Variants in ABCA6 observed in about 807,000 individuals in gnomAD.
ABCA6 encodes ATP binding cassette subfamily A member 6.
Under a neutral mutation model 191.2 loss-of-function variants are expected in ABCA6, and 164 were observed. The observed-to-expected ratio is 0.86, with a 90% CI of 0.76 to 0.98. The LOEUF (loss-of-function observed/expected upper bound fraction) is 0.98, where lower values mean the gene tolerates loss of function less well. Ranked by LOEUF, ABCA6 falls within the 50% of genes least tolerant of loss-of-function variation. The pLI is 0.00. For synonymous variants in ABCA6, 636 were observed against 647.7 expected (o/e 0.98, Z 0.27); for missense variants, 1,958 against 1,894.1 (o/e 1.03, Z -0.63).
chr17:69,108,039 CT>C (rs1174625669), intron 17 of ABCA6: 1 of 450,496 alleles, frequency 2.2e-6, no homozygotes, highest in Non-Finnish European at 3.9e-6. Flanking sequence ...ATCTTCCATT[CT>C]CAGTTTATGA....
At chr17:69,119,193 G>A (rs937934470) in intron 10 of ABCA6, among the ~76,000 whole-genome samples, 13 of 152,040 alleles carry the variant, frequency 8.6e-5, no homozygotes, top group Non-Finnish European at 1.9e-4. Flanking sequence ...GTGAAGCCAG[G>A]TTTGAGAATT....
At chr17:69,121,633 G>T (rs564974806) in intron 10 of ABCA6, among the ~76,000 whole-genome samples, 1 of 152,070 alleles carries the variant, frequency 6.6e-6, no homozygotes, top group African/African-American at 2.4e-5. Flanking sequence ...GAAGGTGGGG[G>T]TGGAGCACAT....
At chr17:69,082,217 T>C (rs1431020979) in intron 36 of ABCA6, among the ~76,000 whole-genome samples, 1 of 152,108 alleles carries the variant, frequency 6.6e-6, no homozygotes, top group Non-Finnish European at 1.5e-5. Flanking sequence ...TAAAATAAAA[T>C]AGTAGCTTTT....
chr17:69,086,686 T>C lies in ABCA6; in HGVS notation c.3869A>G (p.Lys1290Arg), dbSNP rs2072801223. Residue 1290 changes from lysine (K) to arginine (R), a missense_variant, in exon 30 of 39, where the codon AAG becomes AGG. Lys to Arg is a conservative substitution (Grantham distance 26, BLOSUM62 2). Coordinates refer to ENST00000284425, the MANE Select transcript of ABCA6 (RefSeq NM_080284.3). ...SCLHKEYAGQ[K>R]KSCFSKRKKK... is the part of the protein sequence containing the mutation. ...CTTCCTCTTTGAAAAGCAACTTTTC[T>C]TCTGGCCTGCATATTCTTTGTGTAG... 3.7e-6 allele frequency: 6 copies of C among 1,613,080 alleles called. No individual in the cohort carries two copies. Among genetic ancestry groups the C allele is most frequent in the Non-Finnish European group, 5.1e-6 (6 of 1,179,536 alleles).
chr17:69,089,628 TTGAA>T, intron 26 of ABCA6, 86 bp from the exon 27 acceptor site: 1 of 1,145,694 alleles, frequency 8.7e-7, no homozygotes, highest in South Asian at 1.5e-5. Context: ...AATTCACATA[TTGAA>T]TATTTTCCTC....
chr17:69,114,999 C>A, intron 12 of ABCA6, 62 bp from the exon 13 acceptor site: 1 of 1,261,026 alleles, frequency 7.9e-7, no homozygotes, highest in Non-Finnish European at 1.1e-6. Flanking sequence ...ATTCATAGAT[C>A]TCATTTAAGA....
chr17:69,080,017 G>T (rs561168488), intron 37 of ABCA6, among the ~76,000 whole-genome samples: 2 of 152,272 alleles, frequency 1.3e-5, no homozygotes, highest in Admixed American at 1.3e-4. Context: ...CTGAAAATGG[G>T]AGGAAGAAGC....
intron 14 of ABCA6, 59 bp from the exon 15 acceptor site, chr17:69,113,419 G>A: frequency 6.5e-7 from 1 of 1,545,704 alleles, no homozygotes; most frequent in African/African-American, 1.4e-5. Flanking sequence ...GTATCCAGAA[G>A]ATAGCATGAA....
intron 26 of ABCA6, 40 bp downstream of exon 26, chr17:69,091,103 C>T: frequency 6.3e-6 from 10 of 1,587,364 alleles, no homozygotes; most frequent in Non-Finnish European, 8.6e-6. Context: ...TAATAAGCTA[C>T]ATATTCAAAA....
chr17:69,096,397 T>A, intron 24 of ABCA6, 44 bp from the exon 25 acceptor site: 1 of 1,119,018 alleles, frequency 8.9e-7, no homozygotes, highest in Non-Finnish European at 1.2e-6. Flanking sequence ...AATCAAATAT[T>A]ACTGAGGGAA....
intron 8 of ABCA6, among the ~76,000 whole-genome samples, chr17:69,126,221 A>T (rs1243746477): frequency 6.6e-6 from 1 of 152,202 alleles, no homozygotes; most frequent in East Asian, 1.9e-4. Flanking sequence ...TACAGAAATC[A>T]GTTGCATCTC....
At position 69,078,725 on chromosome 17, in the gene ABCA6, T is replaced by G; in HGVS notation, c.*248A>C. On this transcript the variant is annotated 3_prime_UTR_variant, in exon 39 of 39. Coordinates refer to ENST00000284425, the MANE Select transcript of ABCA6 (RefSeq NM_080284.3). ...AATTCTAAGTTTATATAGTTTTATT[T>G]CCACAATACCCAGTGCCTGACTCTT... 1 of 311,272 alleles carries G rather than the reference T, an allele frequency of 3.2e-6. No homozygotes were observed. The highest frequency in any genetic ancestry group is 1.1e-4 in the South Asian group (1 of 9,276). The allele number at this position is 311,272 out of a possible 1,614,324, so 19.3% of individuals were successfully genotyped here.
chr17:69,141,176 A>C (rs2144732740), intron 1 of ABCA6, among the ~76,000 whole-genome samples: 1 of 152,212 alleles, frequency 6.6e-6, no homozygotes, highest in East Asian at 1.9e-4. Context: ...TGAATAATAA[A>C]TTACATCCAC....
intron 10 of ABCA6, 26 bp downstream of exon 10, chr17:69,123,213 T>C (rs367681621): frequency 1.0e-4 from 137 of 1,361,458 alleles, no homozygotes; most frequent in Non-Finnish European, 1.2e-4. Context: ...TGCTCATGCA[T>C]TAGTATTACT....
At chr17:69,082,671 A>T (rs775680893) in intron 36 of ABCA6, among the ~76,000 whole-genome samples, 16 of 152,030 alleles carry the variant, frequency 1.1e-4, no homozygotes, top group South Asian at 2.1e-4. Flanking sequence ...GGCCAAGGAG[A>T]GTGTGCCTGG....
rs2073118208 is a variant in ABCA6, at chr17:69,099,090, G to A, written c.3013-1063C>T. Among the ~76,000 whole-genome samples the A allele has an allele frequency of 5.3e-5, 8 of 150,496 alleles. 1 individual carries two copies. In the South Asian group the frequency reaches 1.7e-3, roughly 32 times the overall value. On this transcript the variant is annotated intron_variant, in intron 22 of 38. Coordinates refer to ENST00000284425, the MANE Select transcript of ABCA6 (RefSeq NM_080284.3). ...CTGGGTGGATGTGTTCTGAAGCACA[G>A]AACCAAGAAGAAAACTTGTTGCTGC...
chr17:69,091,133 C>T lies in ABCA6; in HGVS notation c.3528+10G>A. ...TCAAAATTAATGACACAGTTGGTAA[C>T]ATTTCTTACCACTTCCAAAAAAGTT... On this transcript the variant is annotated intron_variant, in intron 26 of 38. Coordinates refer to ENST00000284425, the MANE Select transcript of ABCA6 (RefSeq NM_080284.3). 2 of 1,602,102 alleles carry T rather than the reference C, an allele frequency of 1.2e-6. No individual in the cohort carries two copies. Among genetic ancestry groups the T allele is most frequent in the Non-Finnish European group, 1.7e-6 (2 of 1,176,014 alleles).
At chr17:69,104,744 C>CAGAT (rs2073257808) in intron 20 of ABCA6, 1 of 146,500 alleles carries the variant, frequency 6.8e-6, no homozygotes, top group Admixed American at 6.9e-5. Flanking sequence ...CCAAGGAGGG[C>CAGAT]AGATCACTTG....
rs781051823 is a variant in ABCA6 at position 69,106,052 on chromosome 17, C to T, written c.2549G>A (p.Arg850His). The T allele has an allele frequency of 2.2e-5, 35 of 1,612,466 alleles. No individual in the cohort carries two copies. Among genetic ancestry groups the T allele is most frequent in the East Asian group, 4.5e-5 (2 of 44,864 alleles). ...MARLRFLKLK[R>H]QTKVLLTLLL... ...CAGGGTCAATAACACTTTAGTTTGA[C>T]GTTTTAACTTTAAGAAACGGAGCCG... Residue 850 changes from arginine (R) to histidine (H), a missense_variant, in exon 19 of 39, where the codon CGT becomes CAT. Transcript: ENST00000284425.
Sources: allele counts gnomAD v4.1 joint callset (sites outside exome capture counted in the v4.1 genomes callset), GRCh38; gene constraint gnomAD v4.1.1; transcripts MANE v1.5; gene names NCBI Gene and HGNC (gene_info 2026-07-23, HGNC 2026-07-21).